The following DNAH5 variants were observed in gnomAD, a reference collection of about 807,000 sequenced individuals.
DNAH5 encodes the protein axonemal beta dynein heavy chain 5.
A neutral mutation model predicts 518.2 loss-of-function variants in DNAH5; 372 were observed. The ratio of observed to expected loss-of-function variants is 0.72; its 90% CI spans 0.66 to 0.78. DNAH5 has a LOEUF of 0.78. Ranked by LOEUF, DNAH5 falls within the 30% of genes least tolerant of loss-of-function variation. DNAH5 has a pLI of 0.00. For missense variants in DNAH5, 5,523 were observed against 5,687.0 expected (o/e 0.97, Z 0.93); for synonymous variants, 2,039 against 2,025.9 (o/e 1.01, Z -0.17).
chr5:13,691,629 C>T lies in DNAH5; in HGVS notation c.*355G>A, dbSNP rs778207515. 1.6e-5 allele frequency: 4 copies of T among 252,630 alleles called. No individual in the cohort carries two copies. Among genetic ancestry groups the T allele is most frequent in the Non-Finnish European group, 3.1e-5 (4 of 128,808 alleles). The allele number at this position is 252,630 out of a possible 1,614,324, so 15.6% of individuals were successfully genotyped here. A position where few individuals can be genotyped will look rare whatever the true frequency, so the allele number is the denominator to read the frequency against. On this transcript the variant is annotated 3_prime_UTR_variant, in exon 79 of 79. Coordinates refer to ENST00000265104, the MANE Select transcript of DNAH5 (RefSeq NM_001369.3). ...CAAGAACTTGGCTGTTACCAGGCCA[C>T]GTTAACAGAAGAATAATTCCTCCCA...
chr5:13,765,372 TCAAAA>T (rs1752380330), intron 59 of DNAH5, among the ~76,000 whole-genome samples: 3 of 151,998 alleles, frequency 2.0e-5, no homozygotes, highest in African/African-American at 4.8e-5. Flanking sequence ...ATGAAAGAGG[TCAAAA>T]CAAAAGTGTT....
At position 13,737,265 on chromosome 5, in the gene DNAH5, C is replaced by G. The variant is rs759147796; in HGVS notation, c.11442G>C (p.Glu3814Asp). Residue 3814 changes from glutamate to aspartate, a missense_variant, in exon 66 of 79, where the codon GAG becomes GAC. This residue lies in a region of DNAH5 where 5,121 missense variants were observed against 5,223.3 expected (regional missense o/e 0.98). Transcript: ENST00000265104. The part of the protein sequence containing the change: ...ETEVQINSAR[E>D]EYRPVATRGS... Reference sequence around the variant, plus strand: ...TACCAAACTCACCAGGTCTGTATTCCTCCCGGGCTGAGTTAATTTGAACTT... The same window carrying G: ...TACCAAACTCACCAGGTCTGTATTCGTCCCGGGCTGAGTTAATTTGAACTT... 6 of 1,614,030 alleles carry G rather than the reference C, an allele frequency of 3.7e-6. No homozygotes were observed.
chr5:13,928,580 T>C (rs1470854788), intron 2 of DNAH5, among the ~76,000 whole-genome samples: 1 of 152,134 alleles, frequency 6.6e-6, no homozygotes, highest in Non-Finnish European at 1.5e-5. Context: ...TAATATTAAA[T>C]TGCAATAATC....
At chr5:13,992,859 A>G (rs997928642) in intron 1 of DNAH5, among the ~76,000 whole-genome samples, 1 of 152,236 alleles carries the variant, frequency 6.6e-6, no homozygotes, top group Admixed American at 6.5e-5. Context: ...AAAAGTCCCA[A>G]GGTGAAGCTT....
At chr5:13,794,154 T>A (rs1325397248) in intron 47 of DNAH5, 96 bp from the exon 48 acceptor site, 6 of 1,502,662 alleles carry the variant, frequency 4.0e-6, no homozygotes, top group Non-Finnish European at 4.5e-6. Flanking sequence ...ACCTTTGAAC[T>A]GATATGAATT....
chr5:13,763,992 A>G (rs949127964), intron 59 of DNAH5, among the ~76,000 whole-genome samples: 1 of 152,228 alleles, frequency 6.6e-6, no homozygotes, highest in East Asian at 1.9e-4. Flanking sequence ...ACTTATCGTT[A>G]TAGCTGCTGT....
rs566480697 is a variant in DNAH5 at position 13,866,082 on chromosome 5, A to T, written c.4116+138T>A. On this transcript the variant is annotated intron_variant, in intron 26 of 78. Coordinates refer to ENST00000265104, the MANE Select transcript of DNAH5 (RefSeq NM_001369.3). ...AGAAACTACTTCTAATTGTAATCCT[A>T]CAATATCGTATTTTTAATGCAAGTA... 3.6e-4 allele frequency: 333 copies of T among 915,538 alleles called. 5 individuals carry two copies. The South Asian group carries it at 4.7e-3, about 13-fold the overall frequency. 56.7% of individuals were successfully genotyped at this position (915,538 alleles called of 1,614,324 possible).
At chr5:13,845,923 C>T (rs1765937587) in intron 31 of DNAH5, among the ~76,000 whole-genome samples, 1 of 150,792 alleles carries the variant, frequency 6.6e-6, no homozygotes, top group African/African-American at 2.4e-5. Flanking sequence ...CTCCACTTCC[C>T]GGGTTCAAGT....
intron 65 of DNAH5, among the ~76,000 whole-genome samples, chr5:13,740,663 A>C (rs1748370524): frequency 6.6e-6 from 1 of 152,208 alleles, no homozygotes; most frequent in Admixed American, 6.6e-5. Context: ...TCACTGTCTT[A>C]AACACACAAG....
At chr5:13,765,299 T>TAAC (rs1486699842) in intron 59 of DNAH5, among the ~76,000 whole-genome samples, 1 of 152,090 alleles carries the variant, frequency 6.6e-6, no homozygotes, top group East Asian at 1.9e-4. Context: ...GCAAACTATA[T>TAAC]AACAATGAAA....
intron 47 of DNAH5, among the ~76,000 whole-genome samples, chr5:13,800,122 T>C (rs761462456): frequency 1.3e-5 from 2 of 152,152 alleles, no homozygotes; most frequent in African/African-American, 4.8e-5. Flanking sequence ...CTGTGTGTTG[T>C]GCACCTGCAT....
chr5:13,755,507 G>A (rs984507998), intron 61 of DNAH5, among the ~76,000 whole-genome samples: 7 of 152,196 alleles, frequency 4.6e-5, no homozygotes, highest in Non-Finnish European at 1.0e-4. Context: ...AACAGAATAT[G>A]ATTAATGTTC....
At chr5:13,856,157 C>G (rs553771440) in intron 30 of DNAH5, among the ~76,000 whole-genome samples, 10 of 151,840 alleles carry the variant, frequency 6.6e-5, no homozygotes, top group African/African-American at 2.2e-4. Flanking sequence ...AGAGCAGAAC[C>G]GAAGGAGATA....
chr5:13,838,753 C>G (rs1051489400), intron 35 of DNAH5, among the ~76,000 whole-genome samples: 1 of 152,154 alleles, frequency 6.6e-6, no homozygotes, highest in Non-Finnish European at 1.5e-5. Context: ...ACCCCCTGGT[C>G]TGTAGAAAAA....
chr5:13,752,371 T>A, intron 63 of DNAH5, 82 bp from the exon 64 acceptor site: 1 of 1,470,794 alleles, frequency 6.8e-7, no homozygotes, highest in Non-Finnish European at 9.5e-7. Context: ...AAATGAAGCC[T>A]AAAGCATTCT....
chr5:13,826,555 C>T (rs1762915735), intron 38 of DNAH5, among the ~76,000 whole-genome samples: 2 of 152,204 alleles, frequency 1.3e-5, no homozygotes, highest in Admixed American at 1.3e-4. Flanking sequence ...CCTCTTCACT[C>T]AGCACTTCTC....
At position 13,829,562 on chromosome 5, in the gene DNAH5, G is replaced by C. The variant is rs766214219; in HGVS notation, c.6392C>G (p.Ala2131Gly). The C allele has an allele frequency of 1.2e-6, 2 of 1,614,048 alleles. No individual in the cohort carries two copies. Among genetic ancestry groups the C allele is most frequent in the East Asian group, 4.5e-5 (2 of 44,866 alleles). ...TTTGTAGAGCGTGAAAAACTTCCTG[G>C]CCAAAACAACGTTGTCAATGAAGCC... ...SCGFIDNVVL[A>G]RKFFTLYKLC... The change falls in exon 38 of 79, where the codon GCC becomes GGC. Residue 2131 changes from alanine (A) to glycine (G), a missense_variant. By Grantham distance (60) the Ala-to-Gly change is moderately conservative. Around this residue, in one of 3 missense-constraint regions of DNAH5, gnomAD observed 5,121 missense variants for 5,223.3 expected, o/e 0.98. Transcript: ENST00000265104.
chr5:13,790,888 G>C (rs1207276324), intron 50 of DNAH5, among the ~76,000 whole-genome samples: 2 of 152,120 alleles, frequency 1.3e-5, no homozygotes, highest in Non-Finnish European at 2.9e-5. Flanking sequence ...TGAACACAAA[G>C]ACAGAAATGG....
At chr5:13,732,659 G>A (rs1449449002) in intron 68 of DNAH5, among the ~76,000 whole-genome samples, 1 of 151,896 alleles carries the variant, frequency 6.6e-6, no homozygotes, top group African/African-American at 2.4e-5. Context: ...TTGAGCCACC[G>A]CACCTGGGTG....
Sources: allele counts gnomAD v4.1 joint callset (sites outside exome capture counted in the v4.1 genomes callset), GRCh38; gene constraint gnomAD v4.1.1; regional missense constraint gnomAD v4.1.1; transcripts MANE v1.5; gene names NCBI Gene and HGNC (gene_info 2026-07-23, HGNC 2026-07-21).